The following CPM variants were observed in gnomAD, a reference collection of about 807,000 sequenced individuals.
CPM encodes renal carboxypeptidase.
Under a neutral mutation model 46.4 loss-of-function variants are expected in CPM, and 35 were observed. That is an observed-to-expected ratio of 0.75 (90% CI 0.58 to 1.00). The LOEUF (loss-of-function observed/expected upper bound fraction) is 1.00. Ranked by LOEUF, CPM falls within the 50% of genes least tolerant of loss-of-function variation. The pLI is 0.00. For synonymous variants in CPM, 195 were observed against 195.3 expected, an observed-to-expected ratio of 1.00 and a Z score of 0.01; for missense variants, 422 against 530.4, an observed-to-expected ratio of 0.80 and a Z score of 2.01.
chr12:68,867,158 A>G (rs1222234992), intron 6 of CPM, 110 bp from the exon 7 acceptor site: 12 of 1,102,584 alleles, frequency 1.1e-5, no homozygotes, highest in Non-Finnish European at 1.6e-5. Flanking sequence ...ACAGGAAAAA[A>G]TGAATTTGAC....
intron 2 of CPM, among the ~76,000 whole-genome samples, chr12:68,903,694 T>C (rs60337856): frequency 0.018 from 2,806 of 152,306 alleles, 83 homozygotes; most frequent in African/African-American, 0.065. Flanking sequence ...ATGAGGCACA[T>C]TGCTCACTGG....
chr12:68,880,444 G>T (rs1232152789), intron 3 of CPM, among the ~76,000 whole-genome samples: 1 of 152,116 alleles, frequency 6.6e-6, no homozygotes, highest in Non-Finnish European at 1.5e-5. Context: ...TTCCAGTGTT[G>T]CCCTCCAAGA....
chr12:68,920,601 G>A (rs1887992175), intron 2 of CPM, among the ~76,000 whole-genome samples: 1 of 151,730 alleles, frequency 6.6e-6, no homozygotes, highest in African/African-American at 2.4e-5. Flanking sequence ...CCTAAAATAA[G>A]TACAACATTT....
chr12:68,929,041 C>A (rs1174028014), intron 2 of CPM, among the ~76,000 whole-genome samples: 1 of 151,802 alleles, frequency 6.6e-6, no homozygotes, highest in African/African-American at 2.4e-5. Context: ...GGTAGGAAAT[C>A]TCATTTAAAA....
intron 2 of CPM, among the ~76,000 whole-genome samples, chr12:68,918,013 T>C (rs1169597237): frequency 2.0e-5 from 3 of 152,206 alleles, no homozygotes; most frequent in African/African-American, 7.2e-5. Context: ...CACCATACCC[T>C]TTGCTGTAAT....
At chr12:68,894,605 T>G (rs1165815527) in intron 2 of CPM, among the ~76,000 whole-genome samples, 1 of 152,216 alleles carries the variant, frequency 6.6e-6, no homozygotes, top group Non-Finnish European at 1.5e-5. Context: ...TCCTCTGAAT[T>G]CCACAAAATC....
At chr12:68,866,257 A>G (rs995898731) in intron 7 of CPM, among the ~76,000 whole-genome samples, 4 of 152,214 alleles carry the variant, frequency 2.6e-5, no homozygotes, top group African/African-American at 9.6e-5. Flanking sequence ...ACAGAGTAGC[A>G]GCCTATTTTC....
At chr12:68,859,295 C>T (rs1210507444) in intron 7 of CPM, among the ~76,000 whole-genome samples, 1 of 151,992 alleles carries the variant, frequency 6.6e-6, no homozygotes, top group African/African-American at 2.4e-5. Context: ...GTTGAATAGC[C>T]CATTTATATT....
At chr12:68,915,705 T>C (rs1360417245) in intron 2 of CPM, among the ~76,000 whole-genome samples, 1 of 152,228 alleles carries the variant, frequency 6.6e-6, no homozygotes, top group Admixed American at 6.5e-5. Flanking sequence ...GGGTCTGTTC[T>C]TCTTTGCATC....
Position 68,852,101 on chromosome 12 carries a change from T to C in CPM, c.*4336A>G, listed in dbSNP as rs565210175. On this transcript the variant is annotated 3_prime_UTR_variant, in exon 9 of 9. Coordinates refer to ENST00000551568, the MANE Select transcript of CPM (RefSeq NM_198320.5). ...ACCATTTTTAGAAACAGATCACAAA[T>C]GCAAATTTGCTTCTGGAACAAAACA... is the stretch of plus-strand genomic sequence containing the variant. 1 of 152,196 alleles carries C rather than the reference T, an allele frequency of 6.6e-6. No homozygotes were observed. The highest frequency in any genetic ancestry group is 1.5e-5 in the Non-Finnish European group (1 of 68,014). 9.4% of individuals were successfully genotyped at this position (152,196 alleles called of 1,614,324 possible). A position where few individuals can be genotyped will look rare whatever the true frequency, so the allele number is the denominator to read the frequency against.
chr12:68,881,244 G>A (rs185472905), intron 3 of CPM, among the ~76,000 whole-genome samples: 1 of 152,290 alleles, frequency 6.6e-6, no homozygotes, highest in Admixed American at 6.5e-5. Flanking sequence ...TTGAAGTAAA[G>A]TCAGGGACTA....
At chr12:68,956,404 G>T (rs1889019272) in intron 1 of CPM, among the ~76,000 whole-genome samples, 1 of 152,158 alleles carries the variant, frequency 6.6e-6, no homozygotes, top group African/African-American at 2.4e-5. Flanking sequence ...ACTTGGAAGG[G>T]TCTGTTCCCG....
At chr12:68,923,335 A>C (rs1440892345) in intron 2 of CPM, among the ~76,000 whole-genome samples, 1 of 152,130 alleles carries the variant, frequency 6.6e-6, no homozygotes, top group Non-Finnish European at 1.5e-5. Flanking sequence ...AATCAGGACT[A>C]ATGGCAGTTA....
At chr12:68,883,614 T>G (rs1886295404) in intron 3 of CPM, among the ~76,000 whole-genome samples, 1 of 152,030 alleles carries the variant, frequency 6.6e-6, no homozygotes, top group Non-Finnish European at 1.5e-5. Context: ...GACAACAAGA[T>G]GCCAGAAATT....
chr12:68,899,429 T>C lies in CPM; in HGVS notation c.161-13540A>G, dbSNP rs1319922366. 2.0e-5 allele frequency among the ~76,000 whole-genome samples: 3 copies of C among 152,384 alleles called. No individual in the cohort carries two copies. In the East Asian group the frequency reaches 5.8e-4, roughly 29 times the overall value. ...GAATCATTAACCATAAACACATTTT[T>C]CACAACATTTTCTTTCATGGCCTGT... is the stretch of plus-strand genomic sequence containing the variant. On this transcript the variant is annotated intron_variant, in intron 2 of 8. Coordinates refer to ENST00000551568, the MANE Select transcript of CPM (RefSeq NM_198320.5).
chr12:68,849,751 TAC>T (rs1282121049), downstream of CPM: 2 of 151,538 alleles, frequency 1.3e-5, no homozygotes, highest in Non-Finnish European at 2.9e-5. Context: ...GTGCTGGGAT[TAC>T]AGACATGAGC....
chr12:68,866,742 C>T (rs964894626), intron 7 of CPM, 154 bp downstream of exon 7: 20 of 654,494 alleles, frequency 3.1e-5, no homozygotes, highest in Non-Finnish European at 5.3e-5. Context: ...ACTGCAGATA[C>T]TCATGCAGAG....
At chr12:68,946,992 A>G (rs1205533151) in intron 1 of CPM, among the ~76,000 whole-genome samples, 1 of 152,242 alleles carries the variant, frequency 6.6e-6, no homozygotes, top group Non-Finnish European at 1.5e-5. Context: ...CTGTTTGCTC[A>G]GTCCATGCAA....
intron 5 of CPM, chr12:68,845,982 C>T (rs976759521): frequency 6.9e-6 from 1 of 145,102 alleles, no homozygotes; most frequent in Non-Finnish European, 1.5e-5. Flanking sequence ...GAGACAGAGT[C>T]TTGCTCTTTC....
Sources: allele counts gnomAD v4.1 joint callset (sites outside exome capture counted in the v4.1 genomes callset), GRCh38; gene constraint gnomAD v4.1.1; transcripts MANE v1.5; gene names NCBI Gene and HGNC (gene_info 2026-07-23, HGNC 2026-07-21).